ZNF521: variants seen among roughly 807,000 people sequenced by gnomAD.
The protein encoded by ZNF521 is LYST-interacting protein 3.
ZNF521 carries 14 observed loss-of-function variants against 105.5 expected under a neutral mutation model. That is an observed-to-expected ratio of 0.13 (90% confidence interval 0.09 to 0.21). The LOEUF is 0.21. Among genes scored for constraint, ZNF521 ranks in the 10% least tolerant of loss-of-function variants. ZNF521 has a pLI of 1.00. For synonymous variants in ZNF521, 635 were observed against 606.0 expected, an observed-to-expected ratio of 1.05 and a Z score of -0.70; for missense variants, 1,233 against 1,629.7, an observed-to-expected ratio of 0.76 and a Z score of 4.19.
chr18:25,177,539 C>T (rs187136071), intron 5 of ZNF521, among the ~76,000 whole-genome samples: 567 of 151,298 alleles, frequency 3.7e-3, no homozygotes, highest in African/African-American at 0.013. Context: ...AAACTTTCTG[C>T]TTTGTGAGGA....
At chr18:25,163,167 G>A (rs2035279556) in intron 5 of ZNF521, among the ~76,000 whole-genome samples, 1 of 152,056 alleles carries the variant, frequency 6.6e-6, no homozygotes, top group African/African-American at 2.4e-5. Flanking sequence ...AGCTTTGATT[G>A]ATTTTAAATT....
chr18:25,105,895 A>G (rs762479074), intron 5 of ZNF521, among the ~76,000 whole-genome samples: 14 of 152,202 alleles, frequency 9.2e-5, no homozygotes, highest in Non-Finnish European at 1.5e-4. Context: ...TAAGGCAGTG[A>G]ACAGCAATAA....
intron 4 of ZNF521, among the ~76,000 whole-genome samples, chr18:25,208,827 T>G (rs1366494692): frequency 6.6e-6 from 1 of 152,080 alleles, no homozygotes; most frequent in African/African-American, 2.4e-5. Context: ...TGCTGGCACA[T>G]GCCACACACC....
chr18:25,100,266 GT>G, intron 5 of ZNF521, among the ~76,000 whole-genome samples: 2 of 152,220 alleles, frequency 1.3e-5, no homozygotes, highest in Middle Eastern at 3.4e-3. Context: ...ATTGAGTGAG[GT>G]TCAACAGCTT....
At chr18:25,311,342 AAGT>A (rs372596876) in intron 3 of ZNF521, among the ~76,000 whole-genome samples, 5 of 151,856 alleles carry the variant, frequency 3.3e-5, no homozygotes, top group African/African-American at 9.7e-5. Flanking sequence ...CGAGCATCGT[AAGT>A]AGAGAACATG....
At chr18:25,270,678 C>T (rs767185587) in intron 3 of ZNF521, among the ~76,000 whole-genome samples, 5 of 152,138 alleles carry the variant, frequency 3.3e-5, no homozygotes, top group Non-Finnish European at 2.9e-5. Context: ...ACAAAAACCA[C>T]ATGATTATCT....
intron 3 of ZNF521, among the ~76,000 whole-genome samples, chr18:25,310,369 G>A (rs533424577): frequency 2.0e-5 from 3 of 151,658 alleles, no homozygotes; most frequent in South Asian, 2.1e-4. Flanking sequence ...TCACCAGGGG[G>A]AGCTAATTCT....
At chr18:25,249,643 G>A (rs1907974402) in intron 3 of ZNF521, among the ~76,000 whole-genome samples, 1 of 151,954 alleles carries the variant, frequency 6.6e-6, no homozygotes, top group South Asian at 2.1e-4. Context: ...TGTGCCTTTA[G>A]TAGAGATGGG....
At chr18:25,077,596 C>T (rs1417206876) in intron 7 of ZNF521, among the ~76,000 whole-genome samples, 1 of 151,992 alleles carries the variant, frequency 6.6e-6, no homozygotes, top group Non-Finnish European at 1.5e-5. Flanking sequence ...CATAGGTGAA[C>T]GTCCATGCGT....
At chr18:25,341,894 C>G (rs1317855176) in intron 2 of ZNF521, among the ~76,000 whole-genome samples, 2 of 152,166 alleles carry the variant, frequency 1.3e-5, no homozygotes, top group Non-Finnish European at 2.9e-5. Context: ...GCTGAATCCT[C>G]AGAACTTAGT....
intron 5 of ZNF521, among the ~76,000 whole-genome samples, chr18:25,125,407 C>T (rs1214981675): frequency 1.3e-5 from 2 of 151,878 alleles, no homozygotes; most frequent in African/African-American, 2.4e-5. Context: ...AAAATTAGGC[C>T]CAATACTAAC....
chr18:25,180,557 G>GA (rs2035615336), intron 5 of ZNF521, among the ~76,000 whole-genome samples: 1 of 151,222 alleles, frequency 6.6e-6, no homozygotes, highest in Non-Finnish European at 1.5e-5. Flanking sequence ...TCAAGGTAAA[G>GA]AGGATGGCAT....
intron 5 of ZNF521, among the ~76,000 whole-genome samples, chr18:25,156,593 T>A (rs1261670672): frequency 1.3e-5 from 2 of 152,232 alleles, no homozygotes; most frequent in Non-Finnish European, 2.9e-5. Context: ...TACCTATATA[T>A]ACAATCCAGG....
intron 5 of ZNF521, among the ~76,000 whole-genome samples, chr18:25,150,277 G>C (rs887319403): frequency 1.4e-4 from 22 of 152,164 alleles, no homozygotes; most frequent in Admixed American, 3.9e-4. Context: ...TGGGGACTCA[G>C]GGGGTAAGGC....
chr18:25,181,367 C>T lies in ZNF521; in HGVS notation c.3658+13793G>A, dbSNP rs547976240. Among the ~76,000 whole-genome samples, 10 of 152,244 alleles carry T rather than the reference C, an allele frequency of 6.6e-5. No homozygotes were observed. In the South Asian group the frequency reaches 2.1e-3, roughly 32 times the overall value. ...CAGTATTAGTGCTCTCTGCCTGGCCCACACAAACCATAACATGCAGCATGG... is the reference window on the plus strand; with the variant it reads ...CAGTATTAGTGCTCTCTGCCTGGCCTACACAAACCATAACATGCAGCATGG... On this transcript the variant is annotated intron_variant, in intron 5 of 7. Transcript: ENST00000361524.
intron 3 of ZNF521, among the ~76,000 whole-genome samples, chr18:25,283,649 T>C (rs2144997790): frequency 6.6e-6 from 1 of 152,296 alleles, no homozygotes; most frequent in South Asian, 2.1e-4. Context: ...GAACATAAAC[T>C]TAAATGGAAA....
intron 5 of ZNF521, among the ~76,000 whole-genome samples, chr18:25,126,467 A>G (rs1236870906): frequency 6.6e-6 from 1 of 152,112 alleles, no homozygotes; most frequent in African/African-American, 2.4e-5. Context: ...CTGTAGTTTC[A>G]ATTAGTTATA....
rs543709588 is a variant in ZNF521 at position 25,317,427 on chromosome 18, AAATT to A, written c.220+4577_220+4580del. On this transcript the variant is annotated intron_variant, in intron 3 of 7. Transcript: ENST00000361524. ...TAACTATAGGGCACGCACTCAGTAAAAATTAACCACTTACCAAGCAGAATTTGAA... is the reference window on the plus strand; with the variant it reads ...TAACTATAGGGCACGCACTCAGTAAAAACCACTTACCAAGCAGAATTTGAA... 3.3e-4 allele frequency among the ~76,000 whole-genome samples: 50 copies of A among 152,258 alleles called. No homozygotes were observed. In the South Asian group the frequency reaches 0.01, roughly 31 times the overall value.
rs555665751 is a variant in ZNF521, at chr18:25,191,948, C to T, written c.3658+3212G>A. ...GAATAGGAAATTAAAGCACGTAATA[C>T]ACACTTGTATCTTGTTGTATTCTCA... is the stretch of plus-strand genomic sequence containing the variant. On this transcript the variant is annotated intron_variant, in intron 5 of 7. Transcript: ENST00000361524. Among the ~76,000 whole-genome samples, 19 of 152,234 alleles carry T rather than the reference C, an allele frequency of 1.2e-4. No individual in the cohort carries two copies. The East Asian group carries it at 2.9e-3, about 23-fold the overall frequency.
Sources: allele counts gnomAD v4.1 joint callset (sites outside exome capture counted in the v4.1 genomes callset), GRCh38; gene constraint gnomAD v4.1.1; transcripts MANE v1.5; gene names NCBI Gene and HGNC (gene_info 2026-07-23, HGNC 2026-07-21).